ROCK1: variants seen among roughly 807,000 people sequenced by gnomAD.
The protein encoded by ROCK1 is Rho associated coiled-coil containing protein kinase 1.
In ROCK1, 36 loss-of-function variants were observed where a neutral mutation model predicts 196.8. The observed-to-expected ratio is 0.18, with a 90% CI of 0.14 to 0.24. The LOEUF is 0.24. Ranked by LOEUF, ROCK1 falls within the 10% of genes least tolerant of loss-of-function variation. The probability of loss-of-function intolerance (pLI) is 1.00; values close to 1 mark genes in which losing one functional copy is unlikely to be tolerated. For synonymous variants in ROCK1, 443 were observed against 515.9 expected (o/e 0.86, Z 1.91); for missense variants, 920 against 1,562.0 (o/e 0.59, Z 6.93).
At chr18:21,070,654 A>C (rs768915713) in intron 1 of ROCK1, 41 bp from the exon 2 acceptor site, 21 of 1,262,958 alleles carry the variant, frequency 1.7e-5, no homozygotes, top group Non-Finnish European at 2.3e-5. Context: ...TTTGGATCAC[A>C]TTATACAGTC....
chr18:21,002,509 A>C (rs947600547), intron 16 of ROCK1, among the ~76,000 whole-genome samples: 10 of 152,212 alleles, frequency 6.6e-5, no homozygotes, highest in African/African-American at 2.4e-4. Context: ...ACAAAGAATT[A>C]AGTATTTAAC....
chr18:21,065,889 G>C (rs1242415301), intron 2 of ROCK1, among the ~76,000 whole-genome samples: 1 of 151,194 alleles, frequency 6.6e-6, no homozygotes, highest in Non-Finnish European at 1.5e-5. Flanking sequence ...AACACAAAGA[G>C]ATAAAAATTA....
intron 1 of ROCK1, 80 bp downstream of exon 1, chr18:21,110,738 T>G: frequency 1.7e-6 from 2 of 1,154,604 alleles, no homozygotes; most frequent in South Asian, 1.3e-5. Context: ...CCTGAGACTT[T>G]TGCAGCGAAC....
chr18:20,968,489 TAG>T (rs569425220), intron 25 of ROCK1: 151 of 275,314 alleles, frequency 5.5e-4, no homozygotes, highest in African/African-American at 3.2e-3. Flanking sequence ...GTATTTTTAG[TAG>T]AGACTGGGGT....
chr18:21,063,962 T>A (rs896381449), intron 2 of ROCK1, among the ~76,000 whole-genome samples: 1 of 152,210 alleles, frequency 6.6e-6, no homozygotes, highest in African/African-American at 2.4e-5. Context: ...CTCAGCATGT[T>A]AATTCAATAG....
Position 20,971,301 on chromosome 18 carries a change from A to AACATAC in ROCK1, c.2655-794_2655-789dup, listed in dbSNP as rs1296371136. Among the ~76,000 whole-genome samples the AACATAC allele has an allele frequency of 1.8e-4, 13 of 72,066 alleles. No individual in the cohort carries two copies. In the Middle Eastern group the frequency reaches 0.025, roughly 139 times the overall value. 47.3% of individuals were successfully genotyped at this position (72,066 alleles called of 152,430 possible). A position where few individuals can be genotyped will look rare whatever the true frequency, so the allele number is the denominator to read the frequency against. On this transcript the variant is annotated intron_variant, in intron 22 of 32. Transcript: ENST00000399799. ...AGCCTCAAGAGGGAGACATATAGTAAACATACACACACACACACACACACA... is the reference window on the plus strand; with the variant it reads ...AGCCTCAAGAGGGAGACATATAGTAAACATACACATACACACACACACACACACACA...
At chr18:21,047,069 T>C (rs7238386) in intron 4 of ROCK1, among the ~76,000 whole-genome samples, 29,592 of 152,108 alleles carry the variant, frequency 0.19, 6,330 homozygotes, top group African/African-American at 0.53. Flanking sequence ...TTAAAGTATA[T>C]AATTTGTCAT....
At chr18:21,087,023 T>G (rs184289974) in intron 1 of ROCK1, among the ~76,000 whole-genome samples, 25 of 152,264 alleles carry the variant, frequency 1.6e-4, no homozygotes, top group Non-Finnish European at 1.9e-4. Context: ...ATATTAAACA[T>G]GAATATATTA....
At position 20,951,327 on chromosome 18, in the gene ROCK1, A is replaced by C. The variant is rs200076625; in HGVS notation, c.*57T>G. ...GCCTGTCTGCTCTGCATGGTTAAAGAAGCCTGGTTTATCAGGTAGCATCCC... is the reference window on the plus strand; with the variant it reads ...GCCTGTCTGCTCTGCATGGTTAAAGCAGCCTGGTTTATCAGGTAGCATCCC... On this transcript the variant is annotated 3_prime_UTR_variant, in exon 33 of 33. Transcript: ENST00000399799. 6.0e-4 allele frequency: 929 copies of C among 1,554,048 alleles called. 1 individual carries two copies. The highest frequency in any genetic ancestry group is 2.7e-3 in the Middle Eastern group (16 of 5,822).
chr18:21,109,521 G>A (rs2036731451), intron 1 of ROCK1, among the ~76,000 whole-genome samples: 1 of 152,052 alleles, frequency 6.6e-6, no homozygotes, highest in African/African-American at 2.4e-5. Context: ...CACTTATCTC[G>A]TTTAATAAAA....
chr18:21,037,009 C>T (rs546476353), intron 9 of ROCK1, among the ~76,000 whole-genome samples: 8 of 152,030 alleles, frequency 5.3e-5, no homozygotes, highest in Non-Finnish European at 7.4e-5. Context: ...ATCTTTAAAT[C>T]GTACATGGTA....
chr18:20,983,999 T>A (rs1346084580), intron 20 of ROCK1, among the ~76,000 whole-genome samples: 1 of 152,196 alleles, frequency 6.6e-6, no homozygotes. Context: ...CATTTTTGCA[T>A]TTTGAGATGA....
intron 1 of ROCK1, among the ~76,000 whole-genome samples, chr18:21,085,945 C>A (rs2036523074): frequency 6.6e-6 from 1 of 152,082 alleles, no homozygotes; most frequent in Admixed American, 6.5e-5. Flanking sequence ...TGAACACAAT[C>A]AAAGTTTTCT....
At chr18:21,032,936 C>CCT (rs1301852587) in intron 9 of ROCK1, among the ~76,000 whole-genome samples, 1 of 152,100 alleles carries the variant, frequency 6.6e-6, no homozygotes, top group African/African-American at 2.4e-5. Context: ...GTGGCTCACA[C>CCT]CTGTAACCCT....
At chr18:21,041,046 G>C (rs1163848597) in intron 8 of ROCK1, among the ~76,000 whole-genome samples, 1 of 151,836 alleles carries the variant, frequency 6.6e-6, no homozygotes, top group Non-Finnish European at 1.5e-5. Flanking sequence ...ACTTGAATCC[G>C]GGAGGTGGAG....
At chr18:21,003,917 A>C (rs1242004363) in intron 16 of ROCK1, among the ~76,000 whole-genome samples, 1 of 152,192 alleles carries the variant, frequency 6.6e-6, no homozygotes, top group East Asian at 1.9e-4. Flanking sequence ...ATTAAAAAAA[A>C]CAGAAAAAGA....
At chr18:20,980,125 C>T (rs1237163727) in intron 21 of ROCK1, 121 bp from the exon 22 acceptor site, 2 of 1,222,002 alleles carry the variant, frequency 1.6e-6, no homozygotes, top group Non-Finnish European at 2.1e-6. Flanking sequence ...AGTATTTACC[C>T]ATGACAAATG....
In ROCK1 at chr18:20,962,943, C is replaced by A. The variant is rs73959757; in HGVS notation, c.3353-2737G>T. On this transcript the variant is annotated intron_variant, in intron 27 of 32. Transcript: ENST00000399799. ...CATAGTTGCAAGATAATATACTTAC[C>A]AGTTTTTAAAATATATAAAGACCTC... Among the ~76,000 whole-genome samples, 1,518 of 151,974 alleles carry A rather than the reference C, an allele frequency of 1.0e-2. 31 individuals are homozygous for A. The highest frequency in any genetic ancestry group is 0.034 in the African/African-American group (1,429 of 41,470).
rs2143358207 is a variant in ROCK1, at chr18:20,968,788, C to T, written c.2987G>A (p.Arg996Gln). 3.1e-6 allele frequency: 5 copies of T among 1,598,204 alleles called. No individual in the cohort carries two copies. Among genetic ancestry groups the T allele is most frequent in the Non-Finnish European group, 4.3e-6 (5 of 1,165,782 alleles). ...AAFEKNINTE[R>Q]TLKTQAVNKL... The stretch of plus-strand genomic sequence containing the variant: ...CATGTATACCTGTGTTTTAAGGGTT[C>T]GTTCAGTGTTGATATTCTTTTCAAA... The change falls in exon 25 of 33, where the codon CGA (arginine) becomes CAA (glutamine). Residue 996 changes from arginine to glutamine, a missense_variant. Around this residue, in one of 6 missense-constraint regions of ROCK1, gnomAD observed 116 missense variants for 204.2 expected, o/e 0.57. Transcript: ENST00000399799.
Sources: allele counts gnomAD v4.1 joint callset (sites outside exome capture counted in the v4.1 genomes callset), GRCh38; gene constraint gnomAD v4.1.1; regional missense constraint gnomAD v4.1.1; transcripts MANE v1.5; gene names NCBI Gene and HGNC (gene_info 2026-07-23, HGNC 2026-07-21).